Variants in CHST11 observed in about 807,000 individuals in gnomAD.
CHST11 encodes C4S-1.
CHST11 carries 9 observed loss-of-function variants against 30.4 expected under a neutral mutation model. That is an observed-to-expected ratio of 0.30 (90% confidence interval 0.18 to 0.52). The LOEUF (loss-of-function observed/expected upper bound fraction) is 0.52, where lower values mean the gene tolerates loss of function less well. Among genes scored for constraint, CHST11 ranks in the 20% least tolerant of loss-of-function variants. The pLI, the probability that CHST11 is intolerant of heterozygous loss-of-function variation, is 0.97. For synonymous variants in CHST11, 152 were observed against 187.8 expected (o/e 0.81, Z 1.56); for missense variants, 348 against 460.6 (o/e 0.76, Z 2.24).
At position 104,760,806 on chromosome 12, in the gene CHST11, A is replaced by G. The variant is rs1229845297; in HGVS notation, c.*3003A>G. ...TAATGGCATTGAAACTTTAAAAAAAATGGATTCAACTGTTTTTGCAGAATG... is the reference window on the plus strand; with the variant it reads ...TAATGGCATTGAAACTTTAAAAAAAGTGGATTCAACTGTTTTTGCAGAATG... On this transcript the variant is annotated 3_prime_UTR_variant, in exon 3 of 3. Coordinates refer to ENST00000303694, the MANE Select transcript of CHST11 (RefSeq NM_018413.6). The G allele has an allele frequency of 5.3e-5, 8 of 152,234 alleles. No individual in the cohort carries two copies. The highest frequency in any genetic ancestry group is 1.9e-4 in the African/African-American group (8 of 41,464). The allele number at this position is 152,234 out of a possible 1,614,324, so 9.4% of individuals were successfully genotyped here. A position where few individuals can be genotyped will look rare whatever the true frequency, so the allele number is the denominator to read the frequency against.
At chr12:104,578,140 C>G (rs896812639) in intron 1 of CHST11, among the ~76,000 whole-genome samples, 2 of 152,062 alleles carry the variant, frequency 1.3e-5, no homozygotes, top group African/African-American at 4.8e-5. Flanking sequence ...CTAAATCCCC[C>G]CTTATTTATA....
rs10602668 is a variant in CHST11, at chr12:104,696,482, C to CAAAAAAAAAAAAA, written c.205-60454_205-60442dup. Among the ~76,000 whole-genome samples, 35 of 69,098 alleles carry CAAAAAAAAAAAAA rather than the reference C, an allele frequency of 5.1e-4. 1 individual carries two copies. The highest frequency in any genetic ancestry group is 6.8e-4 in the South Asian group (1 of 1,480). 45.3% of individuals were successfully genotyped at this position (69,098 alleles called of 152,430 possible). ...TGAAACCCCGACTCTGCTAAAAATA[C>CAAAAAAAAAAAAA]AAAAAAAAAAAAAAAAAAAAAAAAA... On this transcript the variant is annotated intron_variant, in intron 2 of 2. Coordinates refer to ENST00000303694, the MANE Select transcript of CHST11 (RefSeq NM_018413.6).
intron 2 of CHST11, among the ~76,000 whole-genome samples, chr12:104,618,223 T>C (rs1290048419): frequency 1.7e-4 from 22 of 130,628 alleles, no homozygotes; most frequent in East Asian, 4.8e-4. Context: ...TCTTTTCTTT[T>C]CTTTTTTTTT....
intron 1 of CHST11, among the ~76,000 whole-genome samples, chr12:104,467,512 G>T (rs959645853): frequency 6.6e-6 from 1 of 152,176 alleles, no homozygotes; most frequent in Non-Finnish European, 1.5e-5. Flanking sequence ...AGCGGTGGTG[G>T]AGGCTTAGTT....
chr12:104,645,849 C>G (rs761536770), intron 2 of CHST11, among the ~76,000 whole-genome samples: 2 of 152,324 alleles, frequency 1.3e-5, no homozygotes, highest in East Asian at 3.9e-4. Context: ...ATCCATCTAC[C>G]TACAAATTAG....
intron 1 of CHST11, among the ~76,000 whole-genome samples, chr12:104,531,366 G>A (rs556500199): frequency 3.3e-5 from 5 of 151,352 alleles, no homozygotes; most frequent in Non-Finnish European, 5.9e-5. Context: ...GGTCCATGCC[G>A]GTACTCCCAG....
At chr12:104,521,040 T>G (rs928275680) in intron 1 of CHST11, among the ~76,000 whole-genome samples, 5 of 152,216 alleles carry the variant, frequency 3.3e-5, no homozygotes, top group Admixed American at 6.5e-5. Context: ...CTGCCCTAAT[T>G]AAATAGTAAT....
chr12:104,734,008 G>A (rs903456691), intron 2 of CHST11, among the ~76,000 whole-genome samples: 1 of 152,172 alleles, frequency 6.6e-6, no homozygotes, highest in Non-Finnish European at 1.5e-5. Flanking sequence ...CCTCCTCCCC[G>A]CCACCACCAG....
intron 1 of CHST11, among the ~76,000 whole-genome samples, chr12:104,555,649 G>A (rs773260947): frequency 8.5e-5 from 13 of 152,230 alleles, no homozygotes; most frequent in South Asian, 2.1e-4. Context: ...GGTCCAGGAT[G>A]GGGGTTGGGC....
intron 2 of CHST11, among the ~76,000 whole-genome samples, chr12:104,754,545 G>T (rs372122345): frequency 1.3e-5 from 2 of 152,178 alleles, no homozygotes; most frequent in Non-Finnish European, 2.9e-5. Flanking sequence ...GAACTGCAGG[G>T]CTTCCTAATA....
chr12:104,746,852 T>C (rs2040392099), intron 2 of CHST11, among the ~76,000 whole-genome samples: 1 of 152,234 alleles, frequency 6.6e-6, no homozygotes, highest in African/African-American at 2.4e-5. Flanking sequence ...ATGTAATTCT[T>C]AGTGCTTCCC....
At chr12:104,638,617 G>A (rs1414711279) in intron 2 of CHST11, among the ~76,000 whole-genome samples, 3 of 152,172 alleles carry the variant, frequency 2.0e-5, no homozygotes, top group Admixed American at 6.5e-5. Context: ...ACAAAAAATA[G>A]CCTTGCATTT....
At position 104,600,922 on chromosome 12, in the gene CHST11, TTTCCTTTCCTCC is replaced by T. The variant is rs1375466344; in HGVS notation, c.119-971_119-960del. 6.7e-6 allele frequency among the ~76,000 whole-genome samples: 1 copy of T among 150,230 alleles called. No homozygotes were observed. The highest frequency in any genetic ancestry group is 2.5e-5 in the African/African-American group (1 of 40,728). On this transcript the variant is annotated intron_variant, in intron 1 of 2. Coordinates refer to ENST00000303694, the MANE Select transcript of CHST11 (RefSeq NM_018413.6). This position sits in a 1 kb window ranked among gnomAD's most constrained non-coding sequence, Gnocchi z 4.1. ...TCCTTCCTCCTTCTCGGCTTCCTTT[TTTCCTTTCCTCC>T]TTCCTTTCCTCCCTCTTTTCCTCTC...
At chr12:104,502,201 C>T (rs2037859350) in intron 1 of CHST11, among the ~76,000 whole-genome samples, 1 of 151,910 alleles carries the variant, frequency 6.6e-6, no homozygotes, top group African/African-American at 2.4e-5. Context: ...CTAATTTTTA[C>T]ATTTTTTTGT....
In CHST11 at chr12:104,759,058, T is replaced by C. The variant is rs776294386; in HGVS notation, c.*1255T>C. The C allele has an allele frequency of 1.3e-5, 2 of 152,186 alleles. No individual in the cohort carries two copies. The highest frequency in any genetic ancestry group is 2.9e-5 in the Non-Finnish European group (2 of 68,030). The allele number at this position is 152,186 out of a possible 1,614,324, so 9.4% of individuals were successfully genotyped here. A position where few individuals can be genotyped will look rare whatever the true frequency, so the allele number is the denominator to read the frequency against. On this transcript the variant is annotated 3_prime_UTR_variant, in exon 3 of 3. Transcript: ENST00000303694. Reference sequence around the variant, plus strand: ...AGCACCACATCCCCATGTAGAAGTGTTGTCTTCTACTGCTTGCCACGTACA... The same window carrying C: ...AGCACCACATCCCCATGTAGAAGTGCTGTCTTCTACTGCTTGCCACGTACA...
chr12:104,724,127 T>C (rs571483571), intron 2 of CHST11, among the ~76,000 whole-genome samples: 288 of 152,276 alleles, frequency 1.9e-3, no homozygotes, highest in Non-Finnish European at 3.4e-3. Context: ...GTGTGGTGAA[T>C]AGTTAAAGGG....
intron 1 of CHST11, among the ~76,000 whole-genome samples, chr12:104,574,047 G>A (rs10861236): frequency 0.019 from 2,852 of 152,234 alleles, 157 homozygotes; most frequent in East Asian, 0.18. Flanking sequence ...ACAAGTGGGC[G>A]AAGGATATGA....
At chr12:104,489,642 C>G (rs1358937703) in intron 1 of CHST11, among the ~76,000 whole-genome samples, 1 of 152,062 alleles carries the variant, frequency 6.6e-6, no homozygotes, top group African/African-American at 2.4e-5. Flanking sequence ...CCACGCCCAG[C>G]TAATTTTTGT....
intron 1 of CHST11, among the ~76,000 whole-genome samples, chr12:104,541,980 A>G (rs1296231770): frequency 6.6e-6 from 1 of 152,246 alleles, no homozygotes; most frequent in African/African-American, 2.4e-5. Flanking sequence ...ACTGAATGAT[A>G]ATACCCCTGC....
Sources: allele counts gnomAD v4.1 joint callset (sites outside exome capture counted in the v4.1 genomes callset), GRCh38; gene constraint gnomAD v4.1.1; non-coding constraint Gnocchi (gnomAD v3.1); transcripts MANE v1.5; gene names NCBI Gene and HGNC (gene_info 2026-07-23, HGNC 2026-07-21).